GABRD: variants seen among roughly 807,000 people sequenced by gnomAD.
The protein encoded by GABRD is gamma-aminobutyric acid type A receptor subunit delta.
In GABRD, 25 loss-of-function variants were observed where a neutral mutation model predicts 47.3. That is an observed-to-expected ratio of 0.53 (90% CI 0.39 to 0.74). GABRD has a LOEUF of 0.74. Among genes scored for constraint, GABRD ranks in the 30% least tolerant of loss-of-function variants. The pLI is 0.00. For synonymous variants in GABRD, 314 were observed against 278.8 expected, an observed-to-expected ratio of 1.13 and a Z score of -1.26; for missense variants, 497 against 643.4, an observed-to-expected ratio of 0.77 and a Z score of 2.46.
chr1:2,019,548 G>C (rs1158557501), intron 1 of GABRD, 57 bp downstream of exon 1: 1 of 1,024,036 alleles, frequency 9.8e-7, no homozygotes, highest in African/African-American at 1.7e-5. Flanking sequence ...GCCCGCGTCG[G>C]CCCGAGATAG....
chr1:2,021,598 C>T (rs1658779080), intron 1 of GABRD, among the ~76,000 whole-genome samples: 2 of 152,156 alleles, frequency 1.3e-5, no homozygotes, highest in Non-Finnish European at 2.9e-5. Flanking sequence ...GTGGGTCGGC[C>T]CGGAGTGTGA....
At chr1:2,025,764 C>CG (rs777154372) in intron 4 of GABRD, 26 bp downstream of exon 4, 1 of 1,596,166 alleles carries the variant, frequency 6.3e-7, no homozygotes, top group Non-Finnish European at 8.6e-7. Context: ...ACCCGGACTC[C>CG]GGGGGAGAGC....
At chr1:2,029,799 G>T in intron 8 of GABRD, 37 bp downstream of exon 8, 6 of 1,587,546 alleles carry the variant, frequency 3.8e-6, no homozygotes, top group Non-Finnish European at 5.2e-6. Context: ...CAGCACTGCT[G>T]GGGGCCCCAA....
chr1:2,021,547 AG>A (rs762927099), intron 1 of GABRD, among the ~76,000 whole-genome samples: 5 of 152,132 alleles, frequency 3.3e-5, no homozygotes, highest in Non-Finnish European at 7.4e-5. Context: ...CTCATGGGAA[AG>A]GCTGGGTGGG....
chr1:2,027,280 C>T (rs1013992777), intron 4 of GABRD: 8 of 473,150 alleles, frequency 1.7e-5, no homozygotes, highest in South Asian at 4.1e-5. Flanking sequence ...AGCCATCGCT[C>T]GGGCCAGGGC....
chr1:2,028,341 C>T lies in GABRD; in HGVS notation c.691+49C>T, dbSNP rs758081729. 1.3e-4 allele frequency: 196 copies of T among 1,547,030 alleles called. 2 individuals are homozygous for T. In the East Asian group the frequency reaches 1.9e-3, roughly 15 times the overall value. The stretch of plus-strand genomic sequence containing the variant: ...CCGCATGTGCCCGCCGCCCCTTCCG[C>T]GCGCGCCCACCGCCCCTTCCGCGCG... On this transcript the variant is annotated intron_variant, in intron 6 of 8. Coordinates refer to ENST00000378585, the MANE Select transcript of GABRD (RefSeq NM_000815.5). This position sits in a 1 kb window ranked among gnomAD's most constrained non-coding sequence, Gnocchi z 6.4.
Position 2,025,621 on chromosome 1 carries a change from A to T in GABRD, c.353A>T (p.Lys118Met). 1 of 1,613,112 alleles carries T rather than the reference A, an allele frequency of 6.2e-7. No individual in the cohort carries two copies. Among genetic ancestry groups the T allele is most frequent in the Non-Finnish European group, 8.5e-7 (1 of 1,180,006 alleles). ...TLGLDSRFVD[K>M]LWLPDTFIVN... ...GGTCTGGACAGCCGCTTCGTGGACA[A>T]GCTGTGGCTGCCCGACACCTTCATC... The change falls in exon 4 of 9, where the codon AAG (lysine) becomes ATG (methionine). Residue 118 changes from lysine (K) to methionine (M), a missense_variant. This residue lies in a region of GABRD where 285 missense variants were observed against 436.6 expected (regional missense o/e 0.65). Transcript: ENST00000378585.
chr1:2,023,019 C>T (rs1248303203), intron 1 of GABRD, among the ~76,000 whole-genome samples: 7 of 152,242 alleles, frequency 4.6e-5, no homozygotes, highest in East Asian at 1.9e-4. Context: ...TCCCAAACCC[C>T]GGTGGTCCTC....
At chr1:2,019,950 G>T (rs532472263) in intron 1 of GABRD, among the ~76,000 whole-genome samples, 3 of 152,222 alleles carry the variant, frequency 2.0e-5, no homozygotes, top group Admixed American at 6.5e-5. Flanking sequence ...TTCCCCAGCC[G>T]GAGGGTCTGG....
intron 1 of GABRD, chr1:2,023,528 C>T (rs1658838048): frequency 6.6e-6 from 1 of 152,342 alleles, no homozygotes; most frequent in Non-Finnish European, 1.5e-5. Flanking sequence ...GTGCTCTTCT[C>T]TTGGTGGCCT....
chr1:2,019,580 C>T (rs978307311), intron 1 of GABRD, 89 bp downstream of exon 1: 3 of 811,382 alleles, frequency 3.7e-6, no homozygotes, highest in Non-Finnish European at 4.6e-6. Context: ...GCGGCCGGCG[C>T]GAGCCCCGGG....
intron 1 of GABRD, among the ~76,000 whole-genome samples, chr1:2,020,204 C>T (rs988138065): frequency 6.6e-6 from 1 of 152,228 alleles, no homozygotes; most frequent in Non-Finnish European, 1.5e-5. Context: ...CCTACAGTGC[C>T]CCCCCATCTC....
rs548577687 is a variant in GABRD, at chr1:2,030,524, G to A, written c.*242G>A. On this transcript the variant is annotated 3_prime_UTR_variant, in exon 9 of 9. Coordinates refer to ENST00000378585, the MANE Select transcript of GABRD (RefSeq NM_000815.5). ...AGACCTGCACAGATGAAGGAGCAGAGGTTCTGACCGAGAGGCTGAGCCAGG... is the reference window on the plus strand; with the variant it reads ...AGACCTGCACAGATGAAGGAGCAGAAGTTCTGACCGAGAGGCTGAGCCAGG... The A allele has an allele frequency of 5.1e-6, 2 of 395,988 alleles. No individual in the cohort carries two copies. Among genetic ancestry groups the A allele is most frequent in the South Asian group, 1.0e-4 (1 of 9,660 alleles). 24.5% of individuals were successfully genotyped at this position (395,988 alleles called of 1,614,324 possible).
intron 8 of GABRD, 86 bp from the exon 9 acceptor site, chr1:2,029,897 C>T: frequency 1.3e-6 from 2 of 1,553,138 alleles, no homozygotes; most frequent in South Asian, 1.1e-5. Context: ...CCAGGCGGGG[C>T]CCCCGCATGG....
rs1242043808 is a variant in GABRD at position 2,028,669 on chromosome 1, C to T, written c.691+377C>T. Among the ~76,000 whole-genome samples the T allele has an allele frequency of 6.6e-6, 1 of 152,190 alleles. No homozygotes were observed. Among genetic ancestry groups the T allele is most frequent in the Admixed American group, 6.5e-5 (1 of 15,290 alleles). On this transcript the variant is annotated intron_variant, in intron 6 of 8. Coordinates refer to ENST00000378585, the MANE Select transcript of GABRD (RefSeq NM_000815.5). The surrounding 1 kb of genome is among the most constrained non-coding windows in gnomAD (Gnocchi z 6.4). Reference sequence around the variant, plus strand: ...TGCAGGGCTCAGGAGCCAAGCTTTCCTTGGCTACCTTGTCTCCCAGCCCCA... The same window carrying T: ...TGCAGGGCTCAGGAGCCAAGCTTTCTTTGGCTACCTTGTCTCCCAGCCCCA...
In GABRD at chr1:2,028,389, C is replaced by T. The variant is rs1177142840; in HGVS notation, c.691+97C>T. On this transcript the variant is annotated intron_variant, in intron 6 of 8. Coordinates refer to ENST00000378585, the MANE Select transcript of GABRD (RefSeq NM_000815.5). The surrounding 1 kb of genome is among the most constrained non-coding windows in gnomAD (Gnocchi z 6.4). ...GCGCGCCCACCGCCCCTTCCGCGTG[C>T]GCCCGCCTGTGGTTTTCATGCTTTT... 1.6e-5 allele frequency: 20 copies of T among 1,255,528 alleles called. No homozygotes were observed. Among genetic ancestry groups the T allele is most frequent in the East Asian group, 7.2e-5 (2 of 27,684 alleles). 77.8% of individuals were successfully genotyped at this position (1,255,528 alleles called of 1,614,324 possible). A position where few individuals can be genotyped will look rare whatever the true frequency, so the allele number is the denominator to read the frequency against.
intron 1 of GABRD, chr1:2,024,588 C>T (rs1261637984): frequency 1.1e-5 from 2 of 179,266 alleles, no homozygotes; most frequent in Non-Finnish European, 2.3e-5. Flanking sequence ...CGAGGCCGGC[C>T]TCCGCGGGCT....
At chr1:2,029,444 TG>T in intron 7 of GABRD, 106 bp from the exon 8 acceptor site, 2 of 1,066,294 alleles carry the variant, frequency 1.9e-6, no homozygotes, top group Non-Finnish European at 2.7e-6. Flanking sequence ...GGGGTGGGCA[TG>T]GGGGTGGGGG....
At chr1:2,020,303 C>T (rs1408101399) in intron 1 of GABRD, among the ~76,000 whole-genome samples, 2 of 152,218 alleles carry the variant, frequency 1.3e-5, no homozygotes, top group Non-Finnish European at 2.9e-5. Context: ...CTAGGAGTCA[C>T]GAGAGGACAT....
Sources: allele counts gnomAD v4.1 joint callset (sites outside exome capture counted in the v4.1 genomes callset), GRCh38; gene constraint gnomAD v4.1.1; regional missense constraint gnomAD v4.1.1; non-coding constraint Gnocchi (gnomAD v3.1); transcripts MANE v1.5; gene names NCBI Gene and HGNC (gene_info 2026-07-23, HGNC 2026-07-21).